PRKG1: variants seen among roughly 807,000 people sequenced by gnomAD.
The protein encoded by PRKG1 is protein kinase cGMP-dependent 1, also known as cGMP-dependent protein kinase 1.
A neutral mutation model predicts 88.1 loss-of-function variants in PRKG1; 35 were observed. The ratio of observed to expected loss-of-function variants is 0.40; its 90% CI spans 0.30 to 0.53. The LOEUF (loss-of-function observed/expected upper bound fraction) is 0.53, where lower values mean the gene tolerates loss of function less well. Among genes scored for constraint, PRKG1 ranks in the 20% least tolerant of loss-of-function variants. The pLI, the probability that PRKG1 is intolerant of heterozygous loss-of-function variation, is 0.59. For synonymous variants in PRKG1, 303 were observed against 292.5 expected, an observed-to-expected ratio of 1.04 and a Z score of -0.37; for missense variants, 540 against 839.8, an observed-to-expected ratio of 0.64 and a Z score of 4.41.
chr10:51,666,295 A>G (rs1840421266), intron 3 of PRKG1, among the ~76,000 whole-genome samples: 1 of 152,194 alleles, frequency 6.6e-6, no homozygotes, highest in South Asian at 2.1e-4. Context: ...TCCAACCACA[A>G]GCCCGACACT....
At chr10:52,223,087 G>A (rs138777904) in intron 9 of PRKG1, among the ~76,000 whole-genome samples, 13 of 152,026 alleles carry the variant, frequency 8.6e-5, no homozygotes, top group East Asian at 1.9e-4. Context: ...TATTTTCCTC[G>A]CTCCAATCTT....
intron 2 of PRKG1, among the ~76,000 whole-genome samples, chr10:51,362,506 A>C (rs1040697589): frequency 2.3e-4 from 35 of 151,858 alleles, no homozygotes; most frequent in African/African-American, 8.5e-4. Flanking sequence ...GGAAATTATA[A>C]AAAGGTCATT....
intron 7 of PRKG1, chr10:52,128,114 TA>T: frequency 3.0e-6 from 3 of 985,400 alleles, no homozygotes; most frequent in Non-Finnish European, 3.6e-6. Context: ...CTGTGTGAAC[TA>T]AACTTAACTG....
chr10:51,697,375 C>T (rs1301910465), intron 3 of PRKG1: 1 of 247,654 alleles, frequency 4.0e-6, no homozygotes, highest in Non-Finnish European at 7.7e-6. Context: ...AAGTTTTACT[C>T]GACATTTAAA....
chr10:52,066,533 T>C (rs1039013649), intron 7 of PRKG1, among the ~76,000 whole-genome samples: 1 of 152,190 alleles, frequency 6.6e-6, no homozygotes, highest in Non-Finnish European at 1.5e-5. Flanking sequence ...ATTGATCACA[T>C]TCAGGACTTG....
chr10:51,309,289 A>C (rs1564440645), intron 2 of PRKG1, among the ~76,000 whole-genome samples: 1 of 152,222 alleles, frequency 6.6e-6, no homozygotes, highest in Non-Finnish European at 1.5e-5. Flanking sequence ...TAATCAACAG[A>C]GTGAACAGAG....
intron 3 of PRKG1, among the ~76,000 whole-genome samples, chr10:51,510,517 A>G (rs942359581): frequency 6.6e-6 from 1 of 152,140 alleles, no homozygotes; most frequent in African/African-American, 2.4e-5. Context: ...CTTTTAAAGT[A>G]TAATTTTCTT....
intron 2 of PRKG1, among the ~76,000 whole-genome samples, chr10:51,155,853 A>G (rs1846196823): frequency 6.6e-6 from 1 of 151,920 alleles, no homozygotes; most frequent in Admixed American, 6.6e-5. Context: ...AGCTTTACTC[A>G]ATGTCTATTC....
At chr10:51,945,572 A>G (rs1240564579) in intron 5 of PRKG1, among the ~76,000 whole-genome samples, 1 of 151,958 alleles carries the variant, frequency 6.6e-6, no homozygotes, top group Non-Finnish European at 1.5e-5. Flanking sequence ...ACAATTTGGC[A>G]TGATTTTGCA....
chr10:51,698,237 A>T, intron 3 of PRKG1: 1 of 1,613,964 alleles, frequency 6.2e-7, no homozygotes. Context: ...ACAGGTCTCC[A>T]TTCCTCTCCT....
chr10:51,991,888 A>G (rs1019476053), intron 5 of PRKG1, among the ~76,000 whole-genome samples: 3 of 152,216 alleles, frequency 2.0e-5, no homozygotes, highest in African/African-American at 7.2e-5. Context: ...CTTTGGGTAT[A>G]TACCCAGTAA....
intron 3 of PRKG1, among the ~76,000 whole-genome samples, chr10:51,749,989 G>A (rs531820791): frequency 1.4e-5 from 2 of 147,776 alleles, no homozygotes; most frequent in Non-Finnish European, 3.0e-5. Flanking sequence ...AGGCTGGAGT[G>A]CAATGGCGTG....
At chr10:51,140,510 A>C (rs1395145889) in intron 1 of PRKG1, among the ~76,000 whole-genome samples, 2 of 152,228 alleles carry the variant, frequency 1.3e-5, no homozygotes, top group Non-Finnish European at 1.5e-5. Flanking sequence ...GGTGGAAGTT[A>C]AATGTTGCAT....
chr10:52,151,090 ATTTCT>A (rs1837901185), intron 8 of PRKG1, among the ~76,000 whole-genome samples: 1 of 152,116 alleles, frequency 6.6e-6, no homozygotes, highest in Non-Finnish European at 1.5e-5. Flanking sequence ...TTTTAAAAAC[ATTTCT>A]TTTAGGTTTT....
At position 51,126,263 on chromosome 10, in the gene PRKG1, T is replaced by TTATATATTTATAATTATA. The variant is rs1297736702; in HGVS notation, c.312-26898_312-26897insATATTTATAATTATATAT. ...TATATATTTATAATTATTTATATATTTATTTATAATTATTTATATATTTAT... is the reference window on the plus strand; with the variant it reads ...TATATATTTATAATTATTTATATATTTATATATTTATAATTATATATTTATAATTATTTATATATTTAT... On this transcript the variant is annotated intron_variant, in intron 1 of 17. Transcript: ENST00000373980. Among the ~76,000 whole-genome samples the TTATATATTTATAATTATA allele has an allele frequency of 9.0e-4, 9 of 10,002 alleles. 1 individual carries two copies. Among genetic ancestry groups the TTATATATTTATAATTATA allele is most frequent in the East Asian group, 6.2e-3 (1 of 162 alleles). 6.6% of individuals were successfully genotyped at this position (10,002 alleles called of 152,430 possible).
At position 51,718,970 on chromosome 10, in the gene PRKG1, G is replaced by C. The variant is rs1211050906; in HGVS notation, c.593-85615G>C. Among the ~76,000 whole-genome samples the C allele has an allele frequency of 2.6e-5, 4 of 152,100 alleles. 1 individual carries two copies. Among genetic ancestry groups the C allele is most frequent in the Non-Finnish European group, 5.9e-5 (4 of 68,002 alleles). On this transcript the variant is annotated intron_variant, in intron 3 of 17. Transcript: ENST00000373980. ...GAGACCAGATTAAATAACAAAGGAA[G>C]ACTATCTCTACAAAAAATTTTAAAA...
intron 4 of PRKG1, among the ~76,000 whole-genome samples, chr10:51,872,789 G>T (rs759932711): frequency 8.5e-4 from 130 of 152,146 alleles, no homozygotes; most frequent in Non-Finnish European, 1.5e-3. Context: ...ATTAATAAGT[G>T]TCCTTTTTGT....
intron 3 of PRKG1, chr10:51,697,097 G>C (rs952599236): frequency 2.2e-4 from 34 of 152,124 alleles, no homozygotes; most frequent in African/African-American, 8.0e-4. Flanking sequence ...TGATTTTTCA[G>C]GTAACATAAC....
At chr10:51,671,854 C>G (rs1476595021) in intron 3 of PRKG1, among the ~76,000 whole-genome samples, 1 of 152,056 alleles carries the variant, frequency 6.6e-6, no homozygotes, top group Non-Finnish European at 1.5e-5. Context: ...CCATCTTCTT[C>G]TCTTTTATAA....
Sources: allele counts gnomAD v4.1 joint callset (sites outside exome capture counted in the v4.1 genomes callset), GRCh38; gene constraint gnomAD v4.1.1; transcripts MANE v1.5; gene names NCBI Gene and HGNC (gene_info 2026-07-23, HGNC 2026-07-21).